Variants in ZGPAT observed in about 807,000 individuals in gnomAD.
The protein encoded by ZGPAT is zinc finger CCCH-type and G-patch domain containing.
Under a neutral mutation model 47.9 loss-of-function variants are expected in ZGPAT, and 39 were observed. The observed-to-expected ratio is 0.81, with a 90% CI of 0.63 to 1.06. The LOEUF is 1.06. Ranked by LOEUF, ZGPAT falls within the 50% of genes least tolerant of loss-of-function variation. The pLI is 0.00. For synonymous variants in ZGPAT, 348 were observed against 292.9 expected (o/e 1.19, Z -1.92); for missense variants, 717 against 681.4 (o/e 1.05, Z -0.58).
intron 2 of ZGPAT, among the ~76,000 whole-genome samples, 192 bp from the exon 3 acceptor site, chr20:63,733,025 TGA>T (rs1250272827): frequency 5.9e-5 from 9 of 151,522 alleles, no homozygotes; most frequent in Non-Finnish European, 1.0e-4. Flanking sequence ...TATGTGTGCG[TGA>T]GTGTGTGCAT....
chr20:63,709,762 T>C (rs577530199), intron 2 of ZGPAT, among the ~76,000 whole-genome samples: 1 of 151,790 alleles, frequency 6.6e-6, no homozygotes, highest in African/African-American at 2.4e-5. Context: ...CACTGCAGCC[T>C]GGACCTCCTG....
rs771287246 is a variant in ZGPAT, at chr20:63,709,067, G to T, written c.487G>T (p.Ala163Ser). Reference sequence around the variant, plus strand: ...AACGGAAGAGGCGGAGGATGGCTCGGCGGGTGTCCGTGTGCTTTACCTGTA... The same window carrying T: ...AACGGAAGAGGCGGAGGATGGCTCGTCGGGTGTCCGTGTGCTTTACCTGTA... The part of the protein sequence containing the change: ...VGTEEAEDGS[A>S]GVRVLYLYPT... The change falls in exon 2 of 7, where the codon GCG (alanine) becomes TCG (serine). Residue 163 changes from alanine to serine, a missense_variant. Coordinates refer to ENST00000355969, the MANE Select transcript of ZGPAT (RefSeq NM_181485.3). The T allele has an allele frequency of 5.6e-6, 9 of 1,613,492 alleles. No homozygotes were observed. The South Asian group carries it at 9.9e-5, about 18-fold the overall frequency.
Position 63,735,199 on chromosome 20 carries a change from T to C in ZGPAT, c.1032T>C (p.His344=). The C allele has an allele frequency of 6.4e-7, 1 of 1,552,112 alleles. No individual in the cohort carries two copies. Among genetic ancestry groups the C allele is most frequent in the South Asian group, 1.2e-5 (1 of 81,992 alleles). The part of the protein sequence containing the change: ...RHAEGRVEPI[H]AVVLPRGKSL... Reference sequence around the variant, plus strand: ...CGGAAGGCCGGGTGGAGCCCATCCATGCTGTGGTGTTGCCTCGAGGGAAGT... The same window carrying C: ...CGGAAGGCCGGGTGGAGCCCATCCACGCTGTGGTGTTGCCTCGAGGGAAGT... Residue 344 remains histidine, a synonymous_variant, in exon 6 of 7, where the codon CAT becomes CAC. Coordinates refer to ENST00000355969, the MANE Select transcript of ZGPAT (RefSeq NM_181485.3).
intron 2 of ZGPAT, among the ~76,000 whole-genome samples, chr20:63,710,692 T>C (rs2091656685): frequency 6.6e-6 from 1 of 152,206 alleles, no homozygotes; most frequent in East Asian, 1.9e-4. Context: ...TTATGAATAC[T>C]TCATAGTTGC....
At chr20:63,728,814 T>C (rs1298879097) in intron 2 of ZGPAT, among the ~76,000 whole-genome samples, 3 of 152,192 alleles carry the variant, frequency 2.0e-5, no homozygotes, top group Non-Finnish European at 4.4e-5. Context: ...CTTGACCTGG[T>C]AAATCACTCA....
intron 2 of ZGPAT, among the ~76,000 whole-genome samples, chr20:63,717,602 TCTCA>T (rs1221431187): frequency 6.6e-6 from 1 of 152,210 alleles, no homozygotes; most frequent in Non-Finnish European, 1.5e-5. Flanking sequence ...TGAGACACAG[TCTCA>T]CTCTGTTGCC....
At chr20:63,714,159 C>G (rs2091701805) in intron 2 of ZGPAT, among the ~76,000 whole-genome samples, 1 of 152,026 alleles carries the variant, frequency 6.6e-6, no homozygotes, top group African/African-American at 2.4e-5. Flanking sequence ...GGGGTGGTGG[C>G]TCACACCTGT....
At chr20:63,732,632 G>T (rs192601363) in intron 2 of ZGPAT, among the ~76,000 whole-genome samples, 1 of 128,746 alleles carries the variant, frequency 7.8e-6, no homozygotes, top group African/African-American at 3.0e-5. Flanking sequence ...TGTGTATGAC[G>T]TGTGAGTACA....
At chr20:63,726,204 A>ATT (rs35108552) in intron 2 of ZGPAT, among the ~76,000 whole-genome samples, 134,658 of 146,228 alleles carry the variant, frequency 0.92, 61,991 homozygotes, top group East Asian at 0.99. Context: ...CATCTAATTA[A>ATT]TTTTTTTTTT....
At chr20:63,732,355 T>TCAGGGTGTGTGTGCGC (rs1568799464) in intron 2 of ZGPAT, among the ~76,000 whole-genome samples, 76 of 143,862 alleles carry the variant, frequency 5.3e-4, no homozygotes, top group African/African-American at 1.3e-3. Flanking sequence ...GGTGTGTGTG[T>TCAGGGTGTGTGTGCGC]GCATGTGTCA....
At chr20:63,732,287 G>C (rs968690600) in intron 2 of ZGPAT, among the ~76,000 whole-genome samples, 2 of 79,338 alleles carry the variant, frequency 2.5e-5, no homozygotes, top group African/African-American at 4.9e-5. Context: ...GTGGGTGAGG[G>C]CGTGTGTGTG....
intron 2 of ZGPAT, among the ~76,000 whole-genome samples, chr20:63,730,593 T>C (rs2091887401): frequency 1.3e-5 from 2 of 152,210 alleles, no homozygotes; most frequent in African/African-American, 4.8e-5. Flanking sequence ...CAAGCGATTC[T>C]TGTGCCTCAG....
chr20:63,722,225 G>T (rs138425873), intron 2 of ZGPAT, among the ~76,000 whole-genome samples: 1 of 152,226 alleles, frequency 6.6e-6, no homozygotes, highest in East Asian at 1.9e-4. Context: ...CTTCCCCATG[G>T]CTACATGTGA....
chr20:63,730,962 CTCTCTCTCTGTGTGTGTG>C (rs1443289374), intron 2 of ZGPAT, among the ~76,000 whole-genome samples: 15 of 83,398 alleles, frequency 1.8e-4, no homozygotes, highest in African/African-American at 8.2e-4. Flanking sequence ...CTCTCTCTCT[CTCTCTCTCTGTGTGTGTG>C]TGTGTGTGTG....
At chr20:63,709,837 C>G (rs984174668) in intron 2 of ZGPAT, among the ~76,000 whole-genome samples, 1 of 151,868 alleles carries the variant, frequency 6.6e-6, no homozygotes, top group Non-Finnish European at 1.5e-5. Context: ...GCTACTACAC[C>G]CAGCTAATTT....
At chr20:63,717,146 AG>A (rs1440070309) in intron 2 of ZGPAT, among the ~76,000 whole-genome samples, 3 of 152,068 alleles carry the variant, frequency 2.0e-5, no homozygotes, top group African/African-American at 7.2e-5. Flanking sequence ...TTTTCGCTAA[AG>A]GTTTGTCAAT....
Position 63,733,582 on chromosome 20 carries a change from C to T in ZGPAT, c.719-5C>T, listed in dbSNP as rs1291855238. The stretch of plus-strand genomic sequence containing the variant: ...TTCTGACCTGCAGCTTGTCTCTGCC[C>T]CCAGATGTGGACAACGGCTACTACA... On this transcript the variant is annotated splice_region_variant and splice_polypyrimidine_tract_variant and intron_variant, in intron 3 of 6. Transcript: ENST00000355969. 1.2e-6 allele frequency: 2 copies of T among 1,614,164 alleles called. No homozygotes were observed. The highest frequency in any genetic ancestry group is 1.7e-6 in the Non-Finnish European group (2 of 1,180,042).
rs1348813325 is a variant in ZGPAT at position 63,732,956 on chromosome 20, ATGTG to A, written c.585-260_585-257del. ...TATGCACAAGTGTGTATATATGTGT[ATGTG>A]TGAGTGTATGTGTGCATGTGTATCT... On this transcript the variant is annotated intron_variant, in intron 2 of 6. Transcript: ENST00000355969. 4.0e-3 allele frequency among the ~76,000 whole-genome samples: 607 copies of A among 150,976 alleles called. 4 individuals are homozygous for A. The highest frequency in any genetic ancestry group is 0.014 in the African/African-American group (581 of 40,914).
chr20:63,734,195 G>GGT lies in ZGPAT; in HGVS notation c.871+463_871+464dup, dbSNP rs1346695353. 6.7e-5 allele frequency: 18 copies of GGT among 268,894 alleles called. No individual in the cohort carries two copies. The East Asian group carries it at 1.2e-3, about 18-fold the overall frequency. 16.7% of individuals were successfully genotyped at this position (268,894 alleles called of 1,614,324 possible). On this transcript the variant is annotated intron_variant, in intron 4 of 6. Transcript: ENST00000355969. ...TGGGCAGTGTCCAGCTCTCCAGAGG[G>GGT]GTGTGTGTATGCGTGTGCGTGTGTG...
Sources: allele counts gnomAD v4.1 joint callset (sites outside exome capture counted in the v4.1 genomes callset), GRCh38; gene constraint gnomAD v4.1.1; transcripts MANE v1.5; gene names NCBI Gene and HGNC (gene_info 2026-07-23, HGNC 2026-07-21).